ITGA1: variants seen among roughly 807,000 people sequenced by gnomAD.
The protein encoded by ITGA1 is integrin subunit alpha 1.
ITGA1 carries 85 observed loss-of-function variants against 145.9 expected under a neutral mutation model. The ratio of observed to expected loss-of-function variants is 0.58; its 90% confidence interval spans 0.49 to 0.70. The LOEUF (loss-of-function observed/expected upper bound fraction) is 0.70. Ranked by LOEUF, ITGA1 falls within the 30% of genes least tolerant of loss-of-function variation. ITGA1 has a pLI of 0.00. For synonymous variants in ITGA1, 520 were observed against 495.3 expected (o/e 1.05, Z -0.66); for missense variants, 1,351 against 1,418.7 (o/e 0.95, Z 0.77).
At position 52,909,003 on chromosome 5, in the gene ITGA1, G is replaced by A. The variant is rs1437933808; in HGVS notation, c.1561G>A (p.Glu521Lys). ...GAPMYMGTEK[E>K]EQGKVYVYAL... Reference sequence around the variant, plus strand: ...CCCTATGTACATGGGAACAGAGAAGGAGGAGCAAGGAAAAGTGTATGTGTA... The same window carrying A: ...CCCTATGTACATGGGAACAGAGAAGAAGGAGCAAGGAAAAGTGTATGTGTA... The change falls in exon 13 of 29, where the codon GAG becomes AAG. Residue 521 changes from glutamate (E) to lysine (K), a missense_variant. By Grantham distance (56) the Glu-to-Lys change is moderately conservative (BLOSUM62 1). Coordinates refer to ENST00000282588, the MANE Select transcript of ITGA1 (RefSeq NM_181501.2). The A allele has an allele frequency of 6.2e-7, 1 of 1,613,760 alleles. No individual in the cohort carries two copies. The highest frequency in any genetic ancestry group is 8.5e-7 in the Non-Finnish European group (1 of 1,179,882).
chr5:52,929,072 T>C (rs1750858389), intron 20 of ITGA1, among the ~76,000 whole-genome samples: 2 of 152,236 alleles, frequency 1.3e-5, no homozygotes, highest in African/African-American at 4.8e-5. Context: ...TAGTCTATTC[T>C]GGCTGCTATA....
chr5:52,914,491 C>G (rs1424216176), intron 14 of ITGA1, among the ~76,000 whole-genome samples: 1 of 151,984 alleles, frequency 6.6e-6, no homozygotes, highest in Non-Finnish European at 1.5e-5. Flanking sequence ...AAAAAATTAG[C>G]CGGGCATGGT....
intron 11 of ITGA1, chr5:52,905,448 T>C (rs1750385309): frequency 5.3e-6 from 1 of 187,210 alleles, no homozygotes. Flanking sequence ...TGAAATACAA[T>C]TGATTTATTA....
intron 11 of ITGA1, chr5:52,901,697 C>T (rs957197603): frequency 3.3e-5 from 5 of 152,224 alleles, no homozygotes; most frequent in African/African-American, 9.6e-5. Flanking sequence ...TTTGGTTAAA[C>T]GTTGCTTAAA....
intron 1 of ITGA1, among the ~76,000 whole-genome samples, chr5:52,799,528 T>A (rs985096194): frequency 3.9e-5 from 6 of 152,170 alleles, no homozygotes; most frequent in Admixed American, 6.5e-5. Context: ...CCACACATAG[T>A]TTCTTCTCTC....
chr5:52,821,551 A>G (rs1438357957), intron 1 of ITGA1, among the ~76,000 whole-genome samples: 1 of 152,184 alleles, frequency 6.6e-6, no homozygotes, highest in Non-Finnish European at 1.5e-5. Context: ...TATACTACCA[A>G]TGCCACCACT....
chr5:52,824,293 CTT>C (rs34682943), intron 1 of ITGA1: 22 of 134,102 alleles, frequency 1.6e-4, no homozygotes, highest in Non-Finnish European at 1.6e-4. Flanking sequence ...TCTTTTCTTT[CTT>C]TTTTTTTTTT....
At chr5:52,893,395 C>T (rs1750180266) in intron 8 of ITGA1, among the ~76,000 whole-genome samples, 1 of 152,124 alleles carries the variant, frequency 6.6e-6, no homozygotes, top group African/African-American at 2.4e-5. Context: ...TTTAAAAATA[C>T]AGCTGTTAGT....
At chr5:52,857,928 T>A (rs992104603) in intron 2 of ITGA1, among the ~76,000 whole-genome samples, 1 of 152,160 alleles carries the variant, frequency 6.6e-6, no homozygotes, top group Non-Finnish European at 1.5e-5. Flanking sequence ...TCTATACTTA[T>A]GCATACTTGG....
intron 1 of ITGA1, among the ~76,000 whole-genome samples, chr5:52,793,522 T>C (rs1748281976): frequency 6.6e-6 from 1 of 152,094 alleles, no homozygotes; most frequent in Non-Finnish European, 1.5e-5. Context: ...AGTTCCTAGT[T>C]TCAGAGATGT....
In ITGA1 at chr5:52,958,575, C is replaced by T. The variant is rs1447416179; in HGVS notation, c.*6124C>T. 1.3e-5 allele frequency: 2 copies of T among 152,204 alleles called. No individual in the cohort carries two copies. Among genetic ancestry groups the T allele is most frequent in the African/African-American group, 2.4e-5 (1 of 41,442 alleles). The allele number at this position is 152,204 out of a possible 1,614,324, so 9.4% of individuals were successfully genotyped here. A position where few individuals can be genotyped will look rare whatever the true frequency, so the allele number is the denominator to read the frequency against. Reference sequence around the variant, plus strand: ...ATTTCTGATATTGCCTGCCATTACTCAGGATGCAAGAGATGCTCTGCATTC... The same window carrying T: ...ATTTCTGATATTGCCTGCCATTACTTAGGATGCAAGAGATGCTCTGCATTC... On this transcript the variant is annotated 3_prime_UTR_variant, in exon 29 of 29. Coordinates refer to ENST00000282588, the MANE Select transcript of ITGA1 (RefSeq NM_181501.2).
At chr5:52,911,056 C>A (rs1213775937) in intron 14 of ITGA1, among the ~76,000 whole-genome samples, 2 of 115,450 alleles carry the variant, frequency 1.7e-5, no homozygotes, top group Non-Finnish European at 1.7e-5. Context: ...ATATACTATA[C>A]ATAGTGTATA....
chr5:52,869,572 G>A lies in ITGA1; in HGVS notation c.624+3755G>A, dbSNP rs1478437. On this transcript the variant is annotated intron_variant, in intron 6 of 28. Coordinates refer to ENST00000282588, the MANE Select transcript of ITGA1 (RefSeq NM_181501.2). ...CTATCTGTGTTTGCTGCATACTGTA[G>A]ATAATAGGCACCTCAAGAGCAAAGT... 1.2e-4 allele frequency among the ~76,000 whole-genome samples: 18 copies of A among 152,286 alleles called. No individual in the cohort carries two copies. In the South Asian group the frequency reaches 3.7e-3, roughly 32 times the overall value.
Position 52,955,253 on chromosome 5 carries a change from C to T in ITGA1, c.*2802C>T, listed in dbSNP as rs1051195212. On this transcript the variant is annotated 3_prime_UTR_variant, in exon 29 of 29. Transcript: ENST00000282588. Reference sequence around the variant, plus strand: ...TTCAAACTACCAAAGTGACCCTAATCAGCTTACAAAATTCCTGGAAATGTA... The same window carrying T: ...TTCAAACTACCAAAGTGACCCTAATTAGCTTACAAAATTCCTGGAAATGTA... 7 of 152,014 alleles carry T rather than the reference C, an allele frequency of 4.6e-5. No homozygotes were observed. The highest frequency in any genetic ancestry group is 1.7e-4 in the African/African-American group (7 of 41,394). The allele number at this position is 152,014 out of a possible 1,614,324, so 9.4% of individuals were successfully genotyped here.
At chr5:52,910,085 T>A (rs201715258) in intron 13 of ITGA1, 77 bp from the exon 14 acceptor site, 26 of 1,371,038 alleles carry the variant, frequency 1.9e-5, no homozygotes, top group Middle Eastern at 3.9e-4. Context: ...ATAGCACTGA[T>A]TTAGTATACT....
chr5:52,945,166 C>A, intron 27 of ITGA1, 131 bp downstream of exon 27: 2 of 640,178 alleles, frequency 3.1e-6, no homozygotes, highest in Non-Finnish European at 5.5e-6. Context: ...ACACTATTTG[C>A]TTCAAATTAT....
intron 1 of ITGA1, 101 bp from the exon 2 acceptor site, chr5:52,849,264 A>T: frequency 1.0e-6 from 1 of 999,918 alleles, no homozygotes; most frequent in African/African-American, 1.6e-5. Context: ...TTTTTAATAG[A>T]AACAGCTTTC....
intron 1 of ITGA1, among the ~76,000 whole-genome samples, chr5:52,796,365 G>A (rs1258528713): frequency 6.6e-6 from 1 of 151,752 alleles, no homozygotes; most frequent in African/African-American, 2.4e-5. Context: ...AGGGAAAATA[G>A]ATATAATTAA....
intron 1 of ITGA1, among the ~76,000 whole-genome samples, chr5:52,794,500 T>TACACACAC (rs56996823): frequency 0.016 from 2,224 of 141,870 alleles, 25 homozygotes; most frequent in African/African-American, 0.026. Flanking sequence ...CAAATAGAAA[T>TACACACAC]ACACACACAC....
Sources: gnomAD v4.1 joint callset for allele counts (sites outside exome capture counted in the v4.1 genomes callset) on GRCh38, gnomAD v4.1.1 for gene constraint, MANE v1.5 for transcripts, NCBI Gene and HGNC (gene_info 2026-07-23, HGNC 2026-07-21) for gene names.